POLR3A: variants seen among roughly 807,000 people sequenced by gnomAD.
The protein encoded by POLR3A is RNA polymerase III subunit A.
A neutral mutation model predicts 152.8 loss-of-function variants in POLR3A; 112 were observed. That is an observed-to-expected ratio of 0.73 (90% CI 0.63 to 0.86). POLR3A has a LOEUF of 0.86. Ranked by LOEUF, POLR3A falls within the 40% of genes least tolerant of loss-of-function variation. The pLI is 0.00. For synonymous variants in POLR3A, 615 were observed against 652.1 expected (o/e 0.94, Z 0.87); for missense variants, 1,385 against 1,743.1 (o/e 0.79, Z 3.66).
intron 24 of POLR3A, 48 bp from the exon 25 acceptor site, chr10:77,984,346 G>A (rs1337942222): frequency 3.8e-6 from 4 of 1,060,314 alleles, no homozygotes; most frequent in Admixed American, 1.7e-5. Flanking sequence ...GGAGGAGGCT[G>A]TTTGAGGACT....
rs76560868 is a variant in POLR3A, at chr10:77,986,748, C to T, written c.2902-589G>A. Among the ~76,000 whole-genome samples, 609 of 152,284 alleles carry T rather than the reference C, an allele frequency of 4.0e-3. 1 individual carries two copies. The highest frequency in any genetic ancestry group is 0.014 in the African/African-American group (582 of 41,554). ...GGCCTAGGCCTACACTGTCTTCCCA[C>T]ACACAATTAGAAGTCTGTAAGGATT... On this transcript the variant is annotated intron_variant, in intron 21 of 30. Transcript: ENST00000372371.
At chr10:77,997,313 G>A (rs1589308604) in intron 19 of POLR3A, among the ~76,000 whole-genome samples, 1 of 152,022 alleles carries the variant, frequency 6.6e-6, no homozygotes, top group East Asian at 1.9e-4. Flanking sequence ...TCTGGCCAGG[G>A]CAATCAAGCA....
intron 1 of POLR3A, among the ~76,000 whole-genome samples, chr10:78,027,198 G>T (rs1022526088): frequency 6.6e-6 from 1 of 152,200 alleles, no homozygotes; most frequent in Admixed American, 6.5e-5. Context: ...TGGAGAGAAT[G>T]ACTAGGGCCA....
chr10:77,994,679 G>A (rs554135568), intron 19 of POLR3A, among the ~76,000 whole-genome samples: 15 of 152,218 alleles, frequency 9.9e-5, no homozygotes, highest in East Asian at 3.9e-4. Context: ...CCAAATCTAC[G>A]TCTGATTGGT....
chr10:78,008,609 G>A (rs79341089), intron 14 of POLR3A, among the ~76,000 whole-genome samples: 1,786 of 152,280 alleles, frequency 0.012, 35 homozygotes, highest in African/African-American at 0.039. Context: ...GTGAGTGAAC[G>A]TGCTCACATC....
chr10:78,003,792 G>T (rs1847383048), intron 16 of POLR3A, among the ~76,000 whole-genome samples: 1 of 152,020 alleles, frequency 6.6e-6, no homozygotes, highest in Admixed American at 6.5e-5. Context: ...GCTGGGCATG[G>T]TGGTGGGCGC....
chr10:77,992,438 C>CTT (rs71030926), intron 20 of POLR3A, among the ~76,000 whole-genome samples: 594 of 76,444 alleles, frequency 7.8e-3, no homozygotes, highest in Non-Finnish European at 9.5e-3. Flanking sequence ...CTGGCTAATT[C>CTT]TTTTTTTTTT....
At chr10:78,017,465 T>C (rs1168820149) in intron 10 of POLR3A, 110 bp downstream of exon 10, 1 of 1,164,426 alleles carries the variant, frequency 8.6e-7, no homozygotes, top group East Asian at 2.4e-5. Flanking sequence ...AAAAAAGTTA[T>C]GAAAACTTGA....
intron 21 of POLR3A, among the ~76,000 whole-genome samples, chr10:77,990,575 T>C (rs528507226): frequency 6.6e-6 from 1 of 151,988 alleles, no homozygotes; most frequent in Non-Finnish European, 1.5e-5. Flanking sequence ...GCTTGTTGGC[T>C]GGTGAGATTT....
chr10:77,986,210 T>C (rs1847197063), intron 21 of POLR3A, 51 bp from the exon 22 acceptor site: 1 of 915,170 alleles, frequency 1.1e-6, no homozygotes, highest in Admixed American at 1.7e-5. Context: ...GTCATGCAGA[T>C]GACATAATTC....
chr10:78,016,410 TAAAAAAAAAA>T (rs548574588), intron 10 of POLR3A, among the ~76,000 whole-genome samples: 1 of 92,084 alleles, frequency 1.1e-5, no homozygotes, highest in East Asian at 3.0e-4. Flanking sequence ...CTCCACTTAT[TAAAAAAAAAA>T]AAAAAAAAAA....
intron 16 of POLR3A, among the ~76,000 whole-genome samples, chr10:78,002,988 A>C (rs1185558054): frequency 6.6e-6 from 1 of 152,246 alleles, no homozygotes; most frequent in East Asian, 1.9e-4. Flanking sequence ...GGTATGTAAA[A>C]GAGAATTGCC....
intron 8 of POLR3A, among the ~76,000 whole-genome samples, chr10:78,020,974 C>G (rs1847573534): frequency 6.6e-6 from 1 of 152,074 alleles, no homozygotes; most frequent in African/African-American, 2.4e-5. Context: ...AGAAAAGTGT[C>G]TACTTTTTTT....
chr10:78,009,217 C>G (rs963776443), intron 14 of POLR3A, among the ~76,000 whole-genome samples: 6 of 151,488 alleles, frequency 4.0e-5, no homozygotes, highest in Admixed American at 3.3e-4. Context: ...TTTATTGCCC[C>G]CCCCGCCGCC....
At chr10:77,990,205 TA>T (rs142485164) in intron 21 of POLR3A, among the ~76,000 whole-genome samples, 140 of 142,740 alleles carry the variant, frequency 9.8e-4, no homozygotes, top group African/African-American at 3.5e-3. Context: ...GTCAGAACCA[TA>T]AAAAAAAAAC....
At position 78,029,396 on chromosome 10, in the gene POLR3A, C is replaced by T; in HGVS notation, c.12G>A (p.Glu4=). Residue 4 remains glutamate (E), a synonymous_variant, in exon 1 of 31, where the codon GAG becomes GAA. Transcript: ENST00000372371. ...TGGCCACATCCGTCTCCCGGAACTG[C>T]TCCTTCACCATGATGACCGCTGCCG... The part of the protein sequence containing the change: MVK[E]QFRETDVAKK... The T allele has an allele frequency of 6.2e-7, 1 of 1,614,150 alleles. No individual in the cohort carries two copies. The highest frequency in any genetic ancestry group is 8.5e-7 in the Non-Finnish European group (1 of 1,180,028).
intron 8 of POLR3A, among the ~76,000 whole-genome samples, chr10:78,021,002 C>A (rs923840330): frequency 2.0e-5 from 3 of 152,108 alleles, no homozygotes; most frequent in Non-Finnish European, 4.4e-5. Context: ...GATGGTCTCA[C>A]TCTCACCCAG....
intron 15 of POLR3A, 34 bp downstream of exon 15, chr10:78,007,668 G>T: frequency 6.3e-7 from 1 of 1,596,782 alleles, no homozygotes; most frequent in Non-Finnish European, 8.6e-7. Context: ...AACAATTGCA[G>T]CTTTAACTAA....
intron 15 of POLR3A, among the ~76,000 whole-genome samples, chr10:78,006,395 C>CAAAAAAAAA (rs36050560): frequency 9.6e-4 from 21 of 21,942 alleles, no homozygotes; most frequent in African/African-American, 1.3e-3. Flanking sequence ...GACTCTGTCT[C>CAAAAAAAAA]AAAAAAAAAA....
Sources: gnomAD v4.1 joint callset for allele counts (sites outside exome capture counted in the v4.1 genomes callset) on GRCh38, gnomAD v4.1.1 for gene constraint, MANE v1.5 for transcripts, NCBI Gene and HGNC (gene_info 2026-07-23, HGNC 2026-07-21) for gene names.